The following EXTL3 variants were observed in gnomAD, a reference collection of about 807,000 sequenced individuals.
EXTL3 encodes exostosin like glycosyltransferase 3.
In EXTL3, 27 loss-of-function variants were observed where a neutral mutation model predicts 69.3. That is an observed-to-expected ratio of 0.39 (90% CI 0.29 to 0.54). The LOEUF (loss-of-function observed/expected upper bound fraction) is 0.54. EXTL3 is among the 20% of genes least tolerant of loss of function. The pLI, the probability that EXTL3 is intolerant of heterozygous loss-of-function variation, is 0.69. For missense variants in EXTL3, 1,003 were observed against 1,231.8 expected (o/e 0.81, Z 2.78); for synonymous variants, 511 against 499.4 (o/e 1.02, Z -0.31).
At chr8:28,681,372 G>C (rs1457786302) in intron 1 of EXTL3, among the ~76,000 whole-genome samples, 1 of 151,676 alleles carries the variant, frequency 6.6e-6, no homozygotes, top group East Asian at 2.0e-4. Flanking sequence ...AAAAAAATTA[G>C]CTGGGCATGG....
At chr8:28,639,306 C>T (rs985726617) in intron 1 of EXTL3, among the ~76,000 whole-genome samples, 1 of 152,112 alleles carries the variant, frequency 6.6e-6, no homozygotes, top group Non-Finnish European at 1.5e-5. Flanking sequence ...TTCTCAATCT[C>T]TCTGCGTCCC....
chr8:28,653,421 A>G (rs1806958376), intron 1 of EXTL3, among the ~76,000 whole-genome samples: 1 of 152,226 alleles, frequency 6.6e-6, no homozygotes, highest in South Asian at 2.1e-4. Flanking sequence ...GTGCTTTTTA[A>G]GTGTCATACT....
Position 28,717,336 on chromosome 8 carries a change from A to G in EXTL3, c.1277A>G (p.Lys426Arg). 6.2e-7 allele frequency: 1 copy of G among 1,614,104 alleles called. No individual in the cohort carries two copies. Among genetic ancestry groups the G allele is most frequent in the Non-Finnish European group, 8.5e-7 (1 of 1,180,012 alleles). Residue 426 changes from lysine to arginine, a missense_variant, in exon 3 of 7, where the codon AAG becomes AGG. Physicochemically the swap from Lys to Arg is conservative, Grantham distance 26 (BLOSUM62 2). Coordinates refer to ENST00000220562, the MANE Select transcript of EXTL3 (RefSeq NM_001440.4). The surrounding 1 kb of genome is among the most constrained non-coding windows in gnomAD (Gnocchi z 8.3). ...CGGGAGGACCGCTTGGAATTGCTGA[A>G]GCTCTCCACCTTCGCCCTCATCATT... ...GEREDRLELL[K>R]LSTFALIITP...
chr8:28,666,840 G>A lies in EXTL3; in HGVS notation c.-53+44030G>A, dbSNP rs4996314. On this transcript the variant is annotated intron_variant, in intron 1 of 6. Transcript: ENST00000523149. ...TCTGCCTGCCTCGGCCTCTCAGAGC[G>A]CTGGGATTACAGGCATGAGCCACCA... 4.6e-5 allele frequency among the ~76,000 whole-genome samples: 7 copies of A among 152,196 alleles called. No homozygotes were observed. In the East Asian group the frequency reaches 9.7e-4, roughly 21 times the overall value.
At chr8:28,743,346 A>C in intron 6 of EXTL3, 132 bp downstream of exon 6, 1 of 1,044,236 alleles carries the variant, frequency 9.6e-7, no homozygotes, top group Non-Finnish European at 1.5e-6. Context: ...TACCTACCTC[A>C]TCAAAGGATT....
chr8:28,697,517 T>G (rs1800702500), upstream of EXTL3: 1 of 152,126 alleles, frequency 6.6e-6, no homozygotes, highest in South Asian at 2.1e-4. Flanking sequence ...CTTTTCCTAA[T>G]TTTTGGATGT....
At chr8:28,656,931 A>G (rs1212567239) in intron 1 of EXTL3, among the ~76,000 whole-genome samples, 1 of 145,308 alleles carries the variant, frequency 6.9e-6, no homozygotes, top group South Asian at 2.2e-4. Flanking sequence ...TCTCTCTCTT[A>G]CTTTTTTTTT....
chr8:28,676,414 C>T (rs980656379), intron 1 of EXTL3, among the ~76,000 whole-genome samples: 3 of 152,112 alleles, frequency 2.0e-5, no homozygotes, highest in Admixed American at 6.5e-5. Context: ...TGGCAGGCGC[C>T]AAGGGGGTGG....
intron 3 of EXTL3, among the ~76,000 whole-genome samples, chr8:28,724,315 T>C (rs184411621): frequency 3.9e-5 from 6 of 152,350 alleles, no homozygotes; most frequent in Non-Finnish European, 1.5e-5. Flanking sequence ...ACTTGTCTCA[T>C]CTAAAACATG....
chr8:28,701,899 G>C (rs1295481611), intron 1 of EXTL3, among the ~76,000 whole-genome samples: 1 of 152,176 alleles, frequency 6.6e-6, no homozygotes, highest in Admixed American at 6.5e-5. Flanking sequence ...CGGCAGCCGG[G>C]AGGGCTAACG....
intron 3 of EXTL3, among the ~76,000 whole-genome samples, chr8:28,728,347 C>G (rs1563219669): frequency 1.3e-5 from 2 of 152,216 alleles, no homozygotes; most frequent in African/African-American, 4.8e-5. Context: ...CTCCTTGCTG[C>G]TCTCTCGTCT....
At chr8:28,695,121 A>G (rs1800666098) in intron 1 of EXTL3, among the ~76,000 whole-genome samples, 1 of 149,682 alleles carries the variant, frequency 6.7e-6, no homozygotes, top group African/African-American at 2.5e-5. Context: ...TAGTTTAAGT[A>G]AATGAGGATT....
intron 1 of EXTL3, chr8:28,710,583 G>T: frequency 2.5e-6 from 1 of 393,528 alleles, no homozygotes; most frequent in South Asian, 1.8e-5. Flanking sequence ...ATATTCATGA[G>T]AGATTTTTTT....
chr8:28,618,987 G>C (rs1806365963), upstream of EXTL3, among the ~76,000 whole-genome samples: 1 of 151,082 alleles, frequency 6.6e-6, no homozygotes, highest in African/African-American at 2.4e-5. Flanking sequence ...AGCTACTAGG[G>C]AGGCTGAGGC....
At chr8:28,619,091 C>CAAAAAAAAAAA, upstream of EXTL3, among the ~76,000 whole-genome samples, 1 of 56,874 alleles carries the variant, frequency 1.8e-5, no homozygotes. Context: ...GACTCCGTCT[C>CAAAAAAAAAAA]AAAAAAAAAA....
Position 28,673,018 on chromosome 8 carries a change from G to C in EXTL3, c.-52-40439G>C, listed in dbSNP as rs142144742. 1.8e-3 allele frequency among the ~76,000 whole-genome samples: 276 copies of C among 152,282 alleles called. 1 individual carries two copies. The highest frequency in any genetic ancestry group is 2.9e-3 in the Non-Finnish European group (198 of 68,024). On this transcript the variant is annotated intron_variant, in intron 1 of 6. Coordinates refer to the EXTL3 transcript ENST00000523149. ...TGTGGCCATGTAAGATGTGCCTTTAGCCTTCCACCACGATTGTGAGGCCTC... is the reference window on the plus strand; with the variant it reads ...TGTGGCCATGTAAGATGTGCCTTTACCCTTCCACCACGATTGTGAGGCCTC...
At chr8:28,710,110 A>G (rs188932998) in intron 1 of EXTL3, among the ~76,000 whole-genome samples, 17 of 152,048 alleles carry the variant, frequency 1.1e-4, no homozygotes, top group Admixed American at 6.6e-5. Flanking sequence ...AACTATTTTA[A>G]TTTTTTTTCC....
intron 2 of EXTL3, among the ~76,000 whole-genome samples, chr8:28,608,988 G>C (rs1358309281): frequency 1.3e-5 from 2 of 152,122 alleles, no homozygotes; most frequent in African/African-American, 4.8e-5. Flanking sequence ...TGAATGGGTG[G>C]CTTCTTGTGT....
chr8:28,676,112 G>A (rs1366875800), intron 1 of EXTL3, among the ~76,000 whole-genome samples: 2 of 151,986 alleles, frequency 1.3e-5, no homozygotes, highest in Non-Finnish European at 2.9e-5. Context: ...TGGTCCACGT[G>A]AGTGAACTGG....
Sources: gnomAD v4.1 joint callset for allele counts (sites outside exome capture counted in the v4.1 genomes callset) on GRCh38, gnomAD v4.1.1 for gene constraint, Gnocchi (gnomAD v3.1) non-coding constraint, MANE v1.5 for transcripts, NCBI Gene and HGNC (gene_info 2026-07-23, HGNC 2026-07-21) for gene names.